The following SAE1 variants were observed in gnomAD, a reference collection of about 807,000 sequenced individuals.
SAE1 encodes the protein SUMO1 activating enzyme subunit 1, also known as SUMO-activating enzyme subunit 1.
SAE1 carries 11 observed loss-of-function variants against 40.6 expected under a neutral mutation model. The observed-to-expected ratio is 0.27, with a 90% CI of 0.17 to 0.45. SAE1 has a LOEUF of 0.45. SAE1 is among the 20% of genes least tolerant of loss of function. The pLI is 1.00. For missense variants in SAE1, 373 were observed against 427.3 expected, an observed-to-expected ratio of 0.87 and a Z score of 1.12; for synonymous variants, 155 against 154.3, an observed-to-expected ratio of 1.00 and a Z score of -0.03.
intron 4 of SAE1, among the ~76,000 whole-genome samples, 172 bp from the exon 5 acceptor site, chr19:47,154,942 T>C (rs1228654008): frequency 6.6e-6 from 1 of 152,144 alleles, no homozygotes; most frequent in Non-Finnish European, 1.5e-5. Context: ...TGCCCAACAG[T>C]GTACCAGACT....
chr19:47,152,222 A>G (rs2058292612), intron 3 of SAE1, among the ~76,000 whole-genome samples: 1 of 152,242 alleles, frequency 6.6e-6, no homozygotes, highest in Non-Finnish European at 1.5e-5. Flanking sequence ...GAACTTAGCC[A>G]TTTCCAATAC....
chr19:47,159,831 C>G (rs1327676911), intron 5 of SAE1, among the ~76,000 whole-genome samples: 1 of 152,058 alleles, frequency 6.6e-6, no homozygotes, highest in East Asian at 1.9e-4. Context: ...GTAGCTGGAA[C>G]TGCCAGTGTG....
At chr19:47,150,795 T>G (rs939340011) in intron 3 of SAE1, among the ~76,000 whole-genome samples, 3 of 152,236 alleles carry the variant, frequency 2.0e-5, no homozygotes, top group Non-Finnish European at 4.4e-5. Context: ...AAACTACAGC[T>G]TGTGTTTTGT....
At chr19:47,192,203 A>AG (rs1568606948) in intron 6 of SAE1, among the ~76,000 whole-genome samples, 1 of 152,144 alleles carries the variant, frequency 6.6e-6, no homozygotes, top group African/African-American at 2.4e-5. Flanking sequence ...TAACCTGGTG[A>AG]GCGGGTAATT....
At chr19:47,199,566 C>T (rs984990548) in intron 7 of SAE1, among the ~76,000 whole-genome samples, 1 of 152,106 alleles carries the variant, frequency 6.6e-6, no homozygotes, top group Admixed American at 6.6e-5. Flanking sequence ...GAAGCAGGGC[C>T]TTCAACTCTG....
At chr19:47,179,559 G>A (rs963839864) in intron 6 of SAE1, among the ~76,000 whole-genome samples, 55 of 151,880 alleles carry the variant, frequency 3.6e-4, no homozygotes, top group African/African-American at 1.1e-3. Context: ...TAGGGATTTT[G>A]TTTTCAGATG....
rs1483142876 is a variant in SAE1 at position 47,131,054 on chromosome 19, G to GC, written c.98+27dup. 5.3e-6 allele frequency: 8 copies of GC among 1,515,896 alleles called. No individual in the cohort carries two copies. The Admixed American group carries it at 1.2e-4, about 22-fold the overall frequency. The allele number at this position is 1,515,896 out of a possible 1,614,324, so 93.9% of individuals were successfully genotyped here. On this transcript the variant is annotated intron_variant, in intron 1 of 8. Coordinates refer to ENST00000270225, the MANE Select transcript of SAE1 (RefSeq NM_005500.3). ...GTCAGGGCCGGCGCGGCTTGAGGCC[G>GC]CTAGGGTCTGGAGGGGGCGTCTATT...
intron 7 of SAE1, among the ~76,000 whole-genome samples, chr19:47,201,006 CGCCACCATGCCCA>C (rs2058650594): frequency 6.6e-6 from 1 of 151,648 alleles, no homozygotes; most frequent in Non-Finnish European, 1.5e-5. Context: ...TACGGGCATA[CGCCACCATGCCCA>C]GCTATTTTTT....
intron 7 of SAE1, among the ~76,000 whole-genome samples, chr19:47,199,558 A>G (rs2058639353): frequency 6.6e-6 from 1 of 152,100 alleles, no homozygotes; most frequent in Admixed American, 6.6e-5. Flanking sequence ...TCTTCTAGGA[A>G]GCAGGGCCTT....
chr19:47,189,184 A>G lies in SAE1; in HGVS notation c.734-8049A>G, dbSNP rs2161241. Among the ~76,000 whole-genome samples the G allele has an allele frequency of 7.8e-4, 119 of 152,166 alleles. 1 individual carries two copies. The highest frequency in any genetic ancestry group is 7.4e-3 in the Admixed American group (113 of 15,268). The stretch of plus-strand genomic sequence containing the variant: ...AGAGGTAGTACTACCATACTTTGCA[A>G]TTTTTCTGGAAATTTATGTCACCTG... On this transcript the variant is annotated intron_variant, in intron 6 of 8. Transcript: ENST00000270225.
chr19:47,177,421 C>T (rs2058476577), intron 6 of SAE1, among the ~76,000 whole-genome samples: 1 of 152,164 alleles, frequency 6.6e-6, no homozygotes, highest in African/African-American at 2.4e-5. Flanking sequence ...TGTGGTGGCA[C>T]AATCATAACT....
chr19:47,206,011 G>A (rs766540412), intron 8 of SAE1, among the ~76,000 whole-genome samples: 38 of 152,184 alleles, frequency 2.5e-4, no homozygotes, highest in Non-Finnish European at 5.9e-5. Flanking sequence ...CCTTACTTCT[G>A]CACATCCCAT....
chr19:47,193,447 A>C (rs1191523316), intron 6 of SAE1, among the ~76,000 whole-genome samples: 1 of 151,984 alleles, frequency 6.6e-6, no homozygotes, highest in African/African-American at 2.4e-5. Flanking sequence ...AGAAGAGAGT[A>C]ACATTCTCAG....
chr19:47,148,484 CTG>C (rs1420696775), intron 2 of SAE1, among the ~76,000 whole-genome samples: 1 of 152,032 alleles, frequency 6.6e-6, no homozygotes, highest in African/African-American at 2.4e-5. Context: ...AGTATGGAAT[CTG>C]TAATCTTACT....
chr19:47,150,120 T>A, intron 2 of SAE1, 82 bp from the exon 3 acceptor site: 3 of 906,998 alleles, frequency 3.3e-6, no homozygotes, highest in Non-Finnish European at 4.7e-6. Flanking sequence ...ATTTTAGCTA[T>A]CCTTTAAAAT....
At chr19:47,193,839 AAG>A (rs1163019147) in intron 6 of SAE1, among the ~76,000 whole-genome samples, 56 of 136,304 alleles carry the variant, frequency 4.1e-4, no homozygotes, top group Admixed American at 7.9e-4. Context: ...AAAAAAAAAA[AAG>A]AAAGAAAAGA....
chr19:47,144,659 A>G (rs1165273630), intron 2 of SAE1, among the ~76,000 whole-genome samples: 1 of 152,096 alleles, frequency 6.6e-6, no homozygotes, highest in African/African-American at 2.4e-5. Flanking sequence ...AGATCATGCC[A>G]CTGCACTCCA....
At chr19:47,134,550 T>C (rs892004050) in intron 1 of SAE1, among the ~76,000 whole-genome samples, 3 of 151,138 alleles carry the variant, frequency 2.0e-5, no homozygotes, top group Non-Finnish European at 2.9e-5. Flanking sequence ...CTGGATGGAG[T>C]GGAAAGAGGA....
chr19:47,169,075 G>A (rs998623654), intron 5 of SAE1, among the ~76,000 whole-genome samples: 1 of 152,054 alleles, frequency 6.6e-6, no homozygotes, highest in African/African-American at 2.4e-5. Context: ...TTCTCTTGCT[G>A]TTATTTATTA....
Sources: allele counts gnomAD v4.1 joint callset (sites outside exome capture counted in the v4.1 genomes callset), GRCh38; gene constraint gnomAD v4.1.1; transcripts MANE v1.5; gene names NCBI Gene and HGNC (gene_info 2026-07-23, HGNC 2026-07-21).